The following SYCE2 variants were observed in gnomAD, a reference collection of about 807,000 sequenced individuals.
SYCE2 encodes synaptonemal complex central element protein 2.
In SYCE2, 3 loss-of-function variants were observed where a neutral mutation model predicts 27.9. The observed-to-expected ratio is 0.11, with a 90% CI of 0.05 to 0.28. SYCE2 has a LOEUF of 0.28. Ranked by LOEUF, SYCE2 falls within the 10% of genes least tolerant of loss-of-function variation. SYCE2 has a pLI of 1.00. For synonymous variants in SYCE2, 85 were observed against 100.7 expected (o/e 0.84, Z 0.93); for missense variants, 207 against 263.5 (o/e 0.79, Z 1.48).
intron 2 of SYCE2, among the ~76,000 whole-genome samples, chr19:12,915,673 C>T (rs1396018689): frequency 1.3e-5 from 2 of 151,820 alleles, no homozygotes; most frequent in Non-Finnish European, 2.9e-5. Flanking sequence ...GAAAAAACCT[C>T]TAGGATAAAG....
intron 3 of SYCE2, 117 bp downstream of exon 3, chr19:12,904,375 C>A: frequency 8.0e-7 from 1 of 1,244,454 alleles, no homozygotes; most frequent in South Asian, 1.4e-5. Flanking sequence ...GGAGGAGCTC[C>A]TGTGCTGTGT....
At chr19:12,899,916 T>G in intron 5 of SYCE2, 88 bp downstream of exon 5, 1 of 1,608,778 alleles carries the variant, frequency 6.2e-7, no homozygotes, top group Non-Finnish European at 8.5e-7. Flanking sequence ...TAGTGCCTTA[T>G]GCTGGGTGTT....
chr19:12,912,999 C>G (rs1422699087), intron 2 of SYCE2, among the ~76,000 whole-genome samples: 3 of 152,334 alleles, frequency 2.0e-5, no homozygotes, highest in Admixed American at 1.3e-4. Context: ...TTAACTTTAA[C>G]AAACAAAATG....
chr19:12,911,636 T>A (rs984926682), intron 2 of SYCE2, among the ~76,000 whole-genome samples: 1 of 148,710 alleles, frequency 6.7e-6, no homozygotes, highest in Non-Finnish European at 1.5e-5. Context: ...TTTTTTTTTT[T>A]AGACGAGGTC....
At chr19:12,912,421 A>C (rs1971064632) in intron 2 of SYCE2, among the ~76,000 whole-genome samples, 1 of 148,392 alleles carries the variant, frequency 6.7e-6, no homozygotes, top group Non-Finnish European at 1.5e-5. Flanking sequence ...AAGCTGCCAA[A>C]GTTTATGAAC....
chr19:12,900,056 T>G lies in SYCE2; in HGVS notation c.560A>C (p.Asn187Thr), dbSNP rs754390527. Reference protein sequence around the residue: ...SRGKSPPRPGNSQPPDVFVSS... With the variant: ...SRGKSPPRPGTSQPPDVFVSS... ...AACGAACACGTCTGGGGGCTGTGAG[T>G]TGCCGGGACGTGGTGGGGACTTTCC... Residue 187 changes from asparagine (N) to threonine (T), a missense_variant, in exon 5 of 6, where the codon AAC (asparagine) becomes ACC (threonine). Physicochemically the swap from Asn to Thr is moderately conservative, Grantham distance 65. Coordinates refer to ENST00000293695, the MANE Select transcript of SYCE2 (RefSeq NM_001105578.2). The G allele has an allele frequency of 2.5e-6, 4 of 1,613,624 alleles. No homozygotes were observed. The highest frequency in any genetic ancestry group is 3.4e-6 in the Non-Finnish European group (4 of 1,179,954).
intron 3 of SYCE2, 124 bp downstream of exon 3, chr19:12,904,368 G>A (rs1970895758): frequency 2.6e-6 from 3 of 1,139,900 alleles, no homozygotes; most frequent in South Asian, 3.0e-5. Context: ...CATAAGTGGA[G>A]GAGCTCCTGT....
intron 1 of SYCE2, 90 bp downstream of exon 1, chr19:12,919,153 C>CG (rs1416534596): frequency 1.3e-6 from 2 of 1,563,660 alleles, no homozygotes; most frequent in African/African-American, 2.7e-5. Context: ...CGGCCGGGCT[C>CG]GGGTCCGCTG....
At chr19:12,902,499 G>T (rs1568433365) in intron 3 of SYCE2, among the ~76,000 whole-genome samples, 1 of 152,156 alleles carries the variant, frequency 6.6e-6, no homozygotes, top group Non-Finnish European at 1.5e-5. Context: ...GCTGGGCATG[G>T]TGGTGCACAC....
At chr19:12,916,878 T>C (rs554761111) in intron 2 of SYCE2, among the ~76,000 whole-genome samples, 7 of 151,894 alleles carry the variant, frequency 4.6e-5, no homozygotes, top group Admixed American at 3.3e-4. Context: ...GCCTCCTGAA[T>C]AGCCAGGACT....
rs574763732 is a variant in SYCE2, at chr19:12,900,462, C to T, written c.493G>A (p.Glu165Lys). ...CCCCCCTGTGAGTTTACTCATACCTCAGGCTGGAGACACAGGTCTTTGTAC... is the reference window on the plus strand; with the variant it reads ...CCCCCCTGTGAGTTTACTCATACCTTAGGCTGGAGACACAGGTCTTTGTAC... ...TVYKDLCLQP[E>K]QSLRLRWGPD... Residue 165 changes from glutamate (E) to lysine (K), a missense_variant and splice_region_variant, in exon 4 of 6, where the codon GAG becomes AAG. Transcript: ENST00000293695. The T allele has an allele frequency of 6.2e-7, 1 of 1,613,094 alleles. No individual in the cohort carries two copies. The highest frequency in any genetic ancestry group is 1.7e-5 in the Admixed American group (1 of 59,976).
chr19:12,917,564 T>C (rs1382500647), intron 2 of SYCE2, among the ~76,000 whole-genome samples: 1 of 150,664 alleles, frequency 6.6e-6, no homozygotes, highest in Non-Finnish European at 1.5e-5. Context: ...GGTTTCATCA[T>C]GTTAGCCAGG....
intron 4 of SYCE2, 126 bp from the exon 5 acceptor site, chr19:12,900,246 A>T (rs1338792383): frequency 1.6e-6 from 2 of 1,231,536 alleles, no homozygotes; most frequent in East Asian, 4.8e-5. Flanking sequence ...CTGCTCATAC[A>T]ACAGTGGGAC....
chr19:12,916,552 C>T (rs1971143349), intron 2 of SYCE2, among the ~76,000 whole-genome samples: 2 of 152,138 alleles, frequency 1.3e-5, no homozygotes, highest in Non-Finnish European at 2.9e-5. Flanking sequence ...CTACTTGCTC[C>T]TTACTATATT....
chr19:12,902,427 A>G (rs575696349), intron 3 of SYCE2, among the ~76,000 whole-genome samples: 37 of 152,280 alleles, frequency 2.4e-4, no homozygotes, highest in Non-Finnish European at 5.3e-4. Flanking sequence ...GAGGAGTTCA[A>G]GACCAGCCTG....
chr19:12,918,169 A>C lies in SYCE2; in HGVS notation c.131+53T>G. On this transcript the variant is annotated intron_variant, in intron 2 of 5. Coordinates refer to ENST00000293695, the MANE Select transcript of SYCE2 (RefSeq NM_001105578.2). ...ATAGCCTTGTGGAAGAAAAGGGTGA[A>C]TGAGAGGGACCCAGGGGCCTGTGTA... is the stretch of plus-strand genomic sequence containing the variant. 4 of 1,472,756 alleles carry C rather than the reference A, an allele frequency of 2.7e-6. No homozygotes were observed. In the South Asian group the frequency reaches 4.5e-5, roughly 17 times the overall value. 91.2% of individuals were successfully genotyped at this position (1,472,756 alleles called of 1,614,324 possible). A position where few individuals can be genotyped will look rare whatever the true frequency, so the allele number is the denominator to read the frequency against.
At chr19:12,899,724 G>T (rs1278803470) in intron 5 of SYCE2, 1 of 1,612,348 alleles carries the variant, frequency 6.2e-7, no homozygotes, top group East Asian at 2.2e-5. Flanking sequence ...TCCTTAAAAA[G>T]AAGATGGAAT....
rs57694291 is a variant in SYCE2, at chr19:12,916,981, C to T, written c.131+1241G>A. 3.5e-3 allele frequency among the ~76,000 whole-genome samples: 529 copies of T among 152,152 alleles called. 2 individuals are homozygous for T. The highest frequency in any genetic ancestry group is 0.012 in the African/African-American group (479 of 41,498). On this transcript the variant is annotated intron_variant, in intron 2 of 5. Transcript: ENST00000293695. ...GCCAGGCTGGTCTCGAAATCCTGAC[C>T]TCAAGTTATCTGCCAGCGCCAGCCT...
At chr19:12,906,775 G>T (rs1217621758) in intron 2 of SYCE2, among the ~76,000 whole-genome samples, 1 of 152,112 alleles carries the variant, frequency 6.6e-6, no homozygotes, top group Non-Finnish European at 1.5e-5. Context: ...AGGCGCAGTG[G>T]CAGGCGCCTG....
Sources: gnomAD v4.1 joint callset for allele counts (sites outside exome capture counted in the v4.1 genomes callset) on GRCh38, gnomAD v4.1.1 for gene constraint, MANE v1.5 for transcripts, NCBI Gene and HGNC (gene_info 2026-07-23, HGNC 2026-07-21) for gene names.